Variants in ZNF770 observed in about 807,000 individuals in gnomAD.
ZNF770 encodes the protein zinc finger protein 770.
ZNF770 carries 13 observed loss-of-function variants against 44.8 expected under a neutral mutation model. The observed-to-expected ratio is 0.29, with a 90% confidence interval of 0.19 to 0.46. The LOEUF is 0.46. Among genes scored for constraint, ZNF770 ranks in the 20% least tolerant of loss-of-function variants. The probability of loss-of-function intolerance (pLI) is 1.00; values close to 1 mark genes in which losing one functional copy is unlikely to be tolerated. For missense variants in ZNF770, 681 were observed against 797.9 expected (o/e 0.85, Z 1.77); for synonymous variants, 304 against 271.8 (o/e 1.12, Z -1.17).
At position 34,981,487 on chromosome 15, in the gene ZNF770, G is replaced by C. The variant is rs751785176; in HGVS notation, c.1948C>G (p.Gln650Glu). ...CAAACTGAGCATTCAAATGGTTTCT[G>C]CCCTGCATGAATTAGGTAGTGTCTT... ...LERHYLIHAG[Q>E]KPFECSVCGK... Residue 650 changes from glutamine (Q) to glutamate (E), a missense_variant, in exon 3 of 3, where the codon CAG (glutamine) becomes GAG (glutamate). Gln to Glu is a conservative substitution (Grantham distance 29, BLOSUM62 2). This residue lies in a region of ZNF770 where 10 missense variants were observed against 33.9 expected (regional missense o/e 0.30). Coordinates refer to ENST00000356321, the MANE Select transcript of ZNF770 (RefSeq NM_014106.4). 1.2e-6 allele frequency: 2 copies of C among 1,614,110 alleles called. No homozygotes were observed. The highest frequency in any genetic ancestry group is 2.7e-5 in the African/African-American group (2 of 74,946).
rs2050393195 is a variant in ZNF770 at position 34,980,383 on chromosome 15, C to T, written c.*976G>A. ...AATATAGGTACATCCTAGCCTCTCG[C>T]CTACTTTTAAATTATTTTGAGAAAG... is the stretch of plus-strand genomic sequence containing the variant. On this transcript the variant is annotated 3_prime_UTR_variant, in exon 3 of 3. Transcript: ENST00000356321. 6.6e-6 allele frequency: 1 copy of T among 152,064 alleles called. No homozygotes were observed. The highest frequency in any genetic ancestry group is 6.6e-5 in the Admixed American group (1 of 15,264). 9.4% of individuals were successfully genotyped at this position (152,064 alleles called of 1,614,324 possible). A position where few individuals can be genotyped will look rare whatever the true frequency, so the allele number is the denominator to read the frequency against.
chr15:34,980,092 T>G lies in ZNF770; in HGVS notation c.*1267A>C, dbSNP rs998765230. ...CAAAAATAAAAACTAAAACTAGACCTAGTCATTGCCATTTGATCAAACTTA... is the reference window on the plus strand; with the variant it reads ...CAAAAATAAAAACTAAAACTAGACCGAGTCATTGCCATTTGATCAAACTTA... On this transcript the variant is annotated 3_prime_UTR_variant, in exon 3 of 3. Coordinates refer to ENST00000356321, the MANE Select transcript of ZNF770 (RefSeq NM_014106.4). The G allele has an allele frequency of 6.4e-6, 1 of 155,292 alleles. No individual in the cohort carries two copies. Among genetic ancestry groups the G allele is most frequent in the African/African-American group, 2.4e-5 (1 of 41,462 alleles). 9.6% of individuals were successfully genotyped at this position (155,292 alleles called of 1,614,324 possible).
chr15:34,981,513 T>C lies in ZNF770; in HGVS notation c.1922A>G (p.Glu641Gly), dbSNP rs2050401344. Residue 641 changes from glutamate to glycine, a missense_variant, in exon 3 of 3, where the codon GAA becomes GGA. Physicochemically the swap from Glu to Gly is moderately conservative, Grantham distance 98. Coordinates refer to ENST00000356321, the MANE Select transcript of ZNF770 (RefSeq NM_014106.4). The part of the protein sequence containing the change: ...AKSFRSPSKL[E>G]RHYLIHAGQK... ...CCCTGCATGAATTAGGTAGTGTCTT[T>C]CCAGTTTAGATGGAGATCGGAAACT... 2.5e-6 allele frequency: 4 copies of C among 1,614,224 alleles called. No homozygotes were observed. Among genetic ancestry groups the C allele is most frequent in the Non-Finnish European group, 3.4e-6 (4 of 1,180,030 alleles).
Position 34,982,610 on chromosome 15 carries a change from A to T in ZNF770, c.825T>A (p.Ile275=). 1.2e-6 allele frequency: 2 copies of T among 1,613,426 alleles called. No individual in the cohort carries two copies. Among genetic ancestry groups the T allele is most frequent in the Non-Finnish European group, 1.7e-6 (2 of 1,179,998 alleles). ...GTGGATTATTCTCCTCAGATTCACC[A>T]ATCTCACCATTTTCAAAACCACCCT... ...ANQGGFENGE[I]GESEENNPLD... The change falls in exon 3 of 3, where the codon ATT becomes ATA. Residue 275 remains isoleucine, a synonymous_variant. Coordinates refer to ENST00000356321, the MANE Select transcript of ZNF770 (RefSeq NM_014106.4).
At chr15:34,984,916 T>C (rs1566799116) in intron 2 of ZNF770, among the ~76,000 whole-genome samples, 1 of 152,072 alleles carries the variant, frequency 6.6e-6, no homozygotes, top group East Asian at 1.9e-4. Flanking sequence ...GGAGATCACA[T>C]GAGGCCAGGA....
chr15:34,985,133 C>CA lies in ZNF770; in HGVS notation c.-56-1644dup, dbSNP rs59814718. Among the ~76,000 whole-genome samples the CA allele has an allele frequency of 9.7e-3, 1,020 of 105,534 alleles. 8 individuals are homozygous for CA. The highest frequency in any genetic ancestry group is 0.034 in the South Asian group (96 of 2,812). The allele number at this position is 105,534 out of a possible 152,430, so 69.2% of individuals were successfully genotyped here. On this transcript the variant is annotated intron_variant, in intron 2 of 2. Transcript: ENST00000356321. Reference sequence around the variant, plus strand: ...TGGGCAACAGAGCGAGAGACTGTCTCAAAAAAAAAAAAAAAAAAAAGTTTA... The same window carrying CA: ...TGGGCAACAGAGCGAGAGACTGTCTCAAAAAAAAAAAAAAAAAAAAAGTTTA...
chr15:34,983,260 C>T lies in ZNF770; in HGVS notation c.175G>A (p.Val59Met). ...AGTTGTCTAAAGGTTTTATGACACA[C>T]ATCACATTCAAATGGCTTTTGACCA... is the stretch of plus-strand genomic sequence containing the variant. ...HTGQKPFECD[V>M]CHKTFRQLVH... Residue 59 changes from valine to methionine, a missense_variant, in exon 3 of 3, where the codon GTG (valine) becomes ATG (methionine). Coordinates refer to ENST00000356321, the MANE Select transcript of ZNF770 (RefSeq NM_014106.4). 1 of 1,613,038 alleles carries T rather than the reference C, an allele frequency of 6.2e-7. No individual in the cohort carries two copies. Among genetic ancestry groups the T allele is most frequent in the South Asian group, 1.1e-5 (1 of 91,020 alleles).
At chr15:34,986,228 T>C (rs997351584) in intron 2 of ZNF770, among the ~76,000 whole-genome samples, 1 of 152,132 alleles carries the variant, frequency 6.6e-6, no homozygotes, top group Non-Finnish European at 1.5e-5. Context: ...TAAATAAAAA[T>C]CATCTAATTA....
In ZNF770 at chr15:34,982,305, C is replaced by T. The variant is rs759332976; in HGVS notation, c.1130G>A (p.Ser377Asn). ...AAATGTTCTCTGGGTTTGTTCAGAGCTCTGCTCACCAGAAATAAGATCACA... is the reference window on the plus strand; with the variant it reads ...AAATGTTCTCTGGGTTTGTTCAGAGTTCTGCTCACCAGAAATAAGATCACA... ...RNCDLISGEQSSEQTQRTFVG... is the reference protein window; with the variant it reads ...RNCDLISGEQNSEQTQRTFVG... Residue 377 changes from serine (S) to asparagine (N), a missense_variant, in exon 3 of 3, where the codon AGC (serine) becomes AAC (asparagine). This residue lies in a region of ZNF770 where 432 missense variants were observed against 434.1 expected (regional missense o/e 1.00). Coordinates refer to ENST00000356321, the MANE Select transcript of ZNF770 (RefSeq NM_014106.4). 3 of 1,612,370 alleles carry T rather than the reference C, an allele frequency of 1.9e-6. No individual in the cohort carries two copies. The highest frequency in any genetic ancestry group is 1.7e-6 in the Non-Finnish European group (2 of 1,179,628).
At position 34,983,481 on chromosome 15, in the gene ZNF770, CCA is replaced by C. The variant is rs552560822; in HGVS notation, c.-49_-48del. On this transcript the variant is annotated 5_prime_UTR_variant, in exon 3 of 3. Transcript: ENST00000356321. Reference sequence around the variant, plus strand: ...ATGAGCTCCATACTGTTCTTAAATTCCACAGATGTCTAAAAATTAAAGGAAAA... The same window carrying C: ...ATGAGCTCCATACTGTTCTTAAATTCCAGATGTCTAAAAATTAAAGGAAAA... 5.4e-5 allele frequency: 72 copies of C among 1,324,706 alleles called. No individual in the cohort carries two copies. Among genetic ancestry groups the C allele is most frequent in the Non-Finnish European group, 6.8e-5 (69 of 1,019,462 alleles). 82.1% of individuals were successfully genotyped at this position (1,324,706 alleles called of 1,614,324 possible).
chr15:34,982,361 T>G lies in ZNF770; in HGVS notation c.1074A>C (p.Lys358Asn). 4.4e-6 allele frequency: 7 copies of G among 1,607,804 alleles called. No homozygotes were observed. The highest frequency in any genetic ancestry group is 5.9e-6 in the Non-Finnish European group (7 of 1,178,078). ...TCAAGAAACTCTTTTTAAATACTTT[T>G]TTCTCAGATTGAAAGTTATCTAATT... ...SKKLDNFQSE[K>N]KVFKKSFLRN... is the part of the protein sequence containing the mutation. The change falls in exon 3 of 3, where the codon AAA (lysine) becomes AAC (asparagine). Residue 358 changes from lysine to asparagine, a missense_variant. Lys to Asn is a moderately conservative substitution (Grantham distance 94, BLOSUM62 0). This residue lies in a region of ZNF770 where 432 missense variants were observed against 434.1 expected (regional missense o/e 1.00). Transcript: ENST00000356321.
rs145125692 is a variant in ZNF770, at chr15:34,981,398, T to C, written c.2037A>G (p.Arg679=). 2.8e-4 allele frequency: 448 copies of C among 1,613,270 alleles called. 1 individual carries two copies. The highest frequency in any genetic ancestry group is 1.4e-3 in the Admixed American group (84 of 60,014). The change falls in exon 3 of 3, where the codon CGA becomes CGG. Residue 679 remains arginine, a synonymous_variant. Coordinates refer to ENST00000356321, the MANE Select transcript of ZNF770 (RefSeq NM_014106.4). ...CTAAGGCAACCACTTTCCCTTGTGG[T>C]CGTTCTTTAAAGTGAGTAAGCTGAT... is the stretch of plus-strand genomic sequence containing the variant. ...KRHQLTHFKE[R]PQGKVVALDS...
rs1308423912 is a variant in ZNF770 at position 34,983,086 on chromosome 15, A to G, written c.349T>C (p.Leu117=). The change falls in exon 3 of 3, where the codon TTG becomes CTG. Residue 117 remains leucine (L), a synonymous_variant. Transcript: ENST00000356321. The part of the protein sequence containing the change: ...YQNNVKQVRR[L]LEAKQEKSMY... ...GACTTTTCTTGCTTGGCCTCCAGCAATCTTCTGACCTGTTTAACATTATTC... is the reference window on the plus strand; with the variant it reads ...GACTTTTCTTGCTTGGCCTCCAGCAGTCTTCTGACCTGTTTAACATTATTC... 6.2e-7 allele frequency: 1 copy of G among 1,613,962 alleles called. No individual in the cohort carries two copies. The highest frequency in any genetic ancestry group is 1.3e-5 in the African/African-American group (1 of 74,914).
chr15:34,984,716 A>G (rs1047736194), intron 2 of ZNF770, among the ~76,000 whole-genome samples: 3 of 152,170 alleles, frequency 2.0e-5, no homozygotes, highest in South Asian at 2.1e-4. Flanking sequence ...CATAGAGGTA[A>G]TAAGATCGAC....
Position 34,981,719 on chromosome 15 carries a change from T to G in ZNF770, c.1716A>C (p.Ser572=), listed in dbSNP as rs549360179. The G allele has an allele frequency of 1.2e-6, 2 of 1,614,122 alleles. No homozygotes were observed. Among genetic ancestry groups the G allele is most frequent in the East Asian group, 4.5e-5 (2 of 44,888 alleles). Residue 572 remains serine, a synonymous_variant, in exon 3 of 3, where the codon TCA becomes TCC. Coordinates refer to ENST00000356321, the MANE Select transcript of ZNF770 (RefSeq NM_014106.4). ...QAPGVQKYEV[S]ESDQMSGVKA... is the part of the protein sequence containing the mutation. ...TAACTCCTGACATTTGATCTGACTCTGAGACCTCGTATTTTTGAACACCAG... is the reference window on the plus strand; with the variant it reads ...TAACTCCTGACATTTGATCTGACTCGGAGACCTCGTATTTTTGAACACCAG...
Position 34,982,956 on chromosome 15 carries a change from T to A in ZNF770, c.479A>T (p.His160Leu). The change falls in exon 3 of 3, where the codon CAT becomes CTT. Residue 160 changes from histidine to leucine, a missense_variant. This residue lies in a region of ZNF770 where 432 missense variants were observed against 434.1 expected (regional missense o/e 1.00). Transcript: ENST00000356321. ...CATCTTGCCACAGATTGTACATGCA[T>A]GAATATTCTTTCTTCTTTTCATGCT... ...MYSMKRRKNI[H>L]ACTICGKMFP... The A allele has an allele frequency of 6.2e-7, 1 of 1,614,098 alleles. No individual in the cohort carries two copies. The highest frequency in any genetic ancestry group is 1.1e-5 in the South Asian group (1 of 91,082).
chr15:34,985,437 A>AC (rs2050427753), intron 2 of ZNF770, among the ~76,000 whole-genome samples: 1 of 152,036 alleles, frequency 6.6e-6, no homozygotes, highest in Non-Finnish European at 1.5e-5. Flanking sequence ...TCACAAACAT[A>AC]CCCACTGTGG....
rs1309083310 is a variant in ZNF770 at position 34,978,475 on chromosome 15, A to G, written c.*2884T>C. On this transcript the variant is annotated 3_prime_UTR_variant, in exon 3 of 3. Coordinates refer to ENST00000356321, the MANE Select transcript of ZNF770 (RefSeq NM_014106.4). ...CCTATTGCAGTACAAAACAAGAAAC[A>G]ATAATTCTAAGTTAGCCAGCCAATC... The G allele has an allele frequency of 3.3e-5, 5 of 152,188 alleles. No homozygotes were observed. The highest frequency in any genetic ancestry group is 1.2e-4 in the African/African-American group (5 of 41,438). 9.4% of individuals were successfully genotyped at this position (152,188 alleles called of 1,614,324 possible).
In ZNF770 at chr15:34,982,670, T is replaced by A; in HGVS notation, c.765A>T (p.Glu255Asp). The change falls in exon 3 of 3, where the codon GAA (glutamate) becomes GAT (aspartate). Residue 255 changes from glutamate (E) to aspartate (D), a missense_variant. Glu to Asp is a conservative substitution (Grantham distance 45, BLOSUM62 2). Transcript: ENST00000356321. ...TTAACTTATTAGGCAGGGGGCGAGATTCTGTACGCCTCTTCTTTAATAAAA... is the reference window on the plus strand; with the variant it reads ...TTAACTTATTAGGCAGGGGGCGAGAATCTGTACGCCTCTTCTTTAATAAAA... ...RALLLKKRRT[E>D]SRPLPNKLNA... is the part of the protein sequence containing the mutation. 1 of 1,612,788 alleles carries A rather than the reference T, an allele frequency of 6.2e-7. No homozygotes were observed. Among genetic ancestry groups the A allele is most frequent in the South Asian group, 1.1e-5 (1 of 91,020 alleles).
Sources: allele counts gnomAD v4.1 joint callset (sites outside exome capture counted in the v4.1 genomes callset), GRCh38; gene constraint gnomAD v4.1.1; regional missense constraint gnomAD v4.1.1; transcripts MANE v1.5; gene names NCBI Gene and HGNC (gene_info 2026-07-23, HGNC 2026-07-21).